Variants in FAM169A observed in about 807,000 individuals in gnomAD.
FAM169A encodes the protein soluble lamin-associated protein of 75 kDa.
FAM169A carries 24 observed loss-of-function variants against 75.7 expected under a neutral mutation model. The observed-to-expected ratio is 0.32, with a 90% CI of 0.23 to 0.45. The LOEUF (loss-of-function observed/expected upper bound fraction) is 0.45, where lower values mean the gene tolerates loss of function less well. FAM169A is among the 20% of genes least tolerant of loss of function. The pLI, the probability that FAM169A is intolerant of heterozygous loss-of-function variation, is 1.00. For missense variants in FAM169A, 673 were observed against 784.0 expected (o/e 0.86, Z 1.69); for synonymous variants, 271 against 271.0 (o/e 1.00, Z 0.00).
intron 5 of FAM169A, among the ~76,000 whole-genome samples, chr5:74,829,463 C>T (rs770732020): frequency 5.9e-5 from 9 of 152,044 alleles, no homozygotes; most frequent in African/African-American, 1.9e-4. Context: ...TTGCTAAGCC[C>T]GTGTTTTATG....
intron 11 of FAM169A, among the ~76,000 whole-genome samples, chr5:74,792,015 A>G (rs1163403826): frequency 6.6e-6 from 1 of 152,234 alleles, no homozygotes; most frequent in African/African-American, 2.4e-5. Flanking sequence ...CATGTGACAT[A>G]AGATTTATTG....
intron 9 of FAM169A, 77 bp from the exon 10 acceptor site, chr5:74,801,107 C>A: frequency 1.8e-6 from 2 of 1,142,624 alleles, no homozygotes; most frequent in South Asian, 2.4e-5. Context: ...CACAGAAATG[C>A]AAGAACTACA....
intron 1 of FAM169A, among the ~76,000 whole-genome samples, chr5:74,861,207 TC>T (rs1319128034): frequency 6.6e-6 from 1 of 152,212 alleles, no homozygotes; most frequent in African/African-American, 2.4e-5. Context: ...CATTTAGACT[TC>T]AAGGAACCTT....
Position 74,813,849 on chromosome 5 carries a change from T to G in FAM169A, c.661A>C (p.Met221Leu). ...AACTTAGTCCATTTACCTGTATACA[T>G]GAGAGAAGACAGTGGATACCGCAAG... ...LGLRYPLSSL[M>L]YTACKQYFEK... The change falls in exon 6 of 13, where the codon ATG becomes CTG. Residue 221 changes from methionine to leucine, a missense_variant. By Grantham distance (15) the Met-to-Leu change is conservative. Around this residue, in one of 3 missense-constraint regions of FAM169A, gnomAD observed 510 missense variants for 550.9 expected, o/e 0.93. Transcript: ENST00000687041. The G allele has an allele frequency of 6.4e-7, 1 of 1,573,946 alleles. No homozygotes were observed. The highest frequency in any genetic ancestry group is 8.6e-7 in the Non-Finnish European group (1 of 1,167,848).
intron 1 of FAM169A, chr5:74,865,526 G>A (rs1008227825): frequency 6.6e-6 from 1 of 152,214 alleles, no homozygotes; most frequent in Non-Finnish European, 1.5e-5. Flanking sequence ...AAACCACCCA[G>A]GGTTCAAGGC....
intron 5 of FAM169A, among the ~76,000 whole-genome samples, chr5:74,832,279 A>T (rs928536555): frequency 1.3e-5 from 2 of 151,998 alleles, no homozygotes; most frequent in Non-Finnish European, 2.9e-5. Flanking sequence ...TTATAAGAAA[A>T]CTATCTACCT....
Position 74,814,015 on chromosome 5 carries a change from G to A in FAM169A, c.495C>T (p.Ser165=), listed in dbSNP as rs76561443. 0.025 allele frequency: 38,389 copies of A among 1,550,120 alleles called. 729 individuals carry two copies. Among genetic ancestry groups the A allele is most frequent in the African/African-American group, 0.099 (7,166 of 72,144 alleles). Residue 165 remains serine (S), a synonymous_variant, in exon 6 of 13, where the codon AGC becomes AGT. Coordinates refer to ENST00000687041, the MANE Select transcript of FAM169A (RefSeq NM_001376049.1). The stretch of plus-strand genomic sequence containing the variant: ...TTTGGGTAAGAAAAGAGGCACATAT[G>A]CTTCCTGCAGTAATAAGAACAGAAA... ...IGFYSVKPTG[S]ICASFLTQSY...
At chr5:74,863,305 T>C (rs550903298) in intron 1 of FAM169A, among the ~76,000 whole-genome samples, 4 of 152,356 alleles carry the variant, frequency 2.6e-5, no homozygotes, top group South Asian at 2.1e-4. Flanking sequence ...TTGTGAAATA[T>C]TCCTACCACC....
chr5:74,793,911 G>A (rs1186250265), intron 11 of FAM169A, among the ~76,000 whole-genome samples: 1 of 149,760 alleles, frequency 6.7e-6, no homozygotes, highest in Non-Finnish European at 1.5e-5. Context: ...GCTGAGGCAG[G>A]AGAATGGCAT....
At chr5:74,830,964 ATCTTC>A (rs755237401) in intron 5 of FAM169A, among the ~76,000 whole-genome samples, 7 of 152,148 alleles carry the variant, frequency 4.6e-5, no homozygotes, top group African/African-American at 7.2e-5. Flanking sequence ...CTCTTATTGA[ATCTTC>A]TCTTCTCAAG....
intron 1 of FAM169A, among the ~76,000 whole-genome samples, chr5:74,860,221 G>A (rs1749963036): frequency 3.3e-5 from 5 of 152,160 alleles, no homozygotes; most frequent in Admixed American, 2.6e-4. Context: ...GTTGATGGAA[G>A]TATCAGAATA....
intron 5 of FAM169A, among the ~76,000 whole-genome samples, chr5:74,830,679 TA>T (rs1162212060): frequency 2.6e-5 from 4 of 152,272 alleles, no homozygotes; most frequent in Admixed American, 2.6e-4. Context: ...ATCACATATC[TA>T]TTTTTTTTTA....
At chr5:74,837,653 T>C (rs1748637784) in intron 4 of FAM169A, among the ~76,000 whole-genome samples, 1 of 152,082 alleles carries the variant, frequency 6.6e-6, no homozygotes, top group Non-Finnish European at 1.5e-5. Flanking sequence ...AGTAACAGGA[T>C]CAAAATTTCT....
chr5:74,847,254 C>T (rs1359537524), intron 1 of FAM169A, among the ~76,000 whole-genome samples: 2 of 152,070 alleles, frequency 1.3e-5, no homozygotes, highest in African/African-American at 2.4e-5. Context: ...TTCATCACCC[C>T]AAACATGGTC....
At chr5:74,789,050 C>T (rs1031837036) in intron 11 of FAM169A, among the ~76,000 whole-genome samples, 10 of 152,210 alleles carry the variant, frequency 6.6e-5, no homozygotes, top group Non-Finnish European at 1.0e-4. Context: ...AAGCAATTTG[C>T]GTTCGGCTGG....
intron 12 of FAM169A, 77 bp downstream of exon 12, chr5:74,782,854 T>A (rs1248499745): frequency 9.9e-7 from 1 of 1,009,212 alleles, no homozygotes; most frequent in Non-Finnish European, 1.5e-6. Context: ...GAAGCAAATA[T>A]ATATACCATG....
intron 5 of FAM169A, among the ~76,000 whole-genome samples, chr5:74,819,911 G>A (rs6885078): frequency 2.0e-5 from 3 of 152,020 alleles, no homozygotes; most frequent in South Asian, 2.1e-4. Context: ...TTTCTTTAGC[G>A]GAGGGATGAA....
At chr5:74,788,702 T>C (rs939429115) in intron 11 of FAM169A, among the ~76,000 whole-genome samples, 2 of 145,782 alleles carry the variant, frequency 1.4e-5, no homozygotes, top group South Asian at 2.2e-4. Context: ...CGAAACTCCA[T>C]CTCAAAAAAA....
At position 74,782,841 on chromosome 5, in the gene FAM169A, G is replaced by A. The variant is rs1363267138; in HGVS notation, c.1464+90C>T. 8.4e-6 allele frequency: 7 copies of A among 834,540 alleles called. No homozygotes were observed. The African/African-American group carries it at 8.5e-5, about 10-fold the overall frequency. 51.7% of individuals were successfully genotyped at this position (834,540 alleles called of 1,614,324 possible). ...TTCCTAAAGCACTGTACATGTAAAG[G>A]TGGAAGCAAATATATATACCATGCA... On this transcript the variant is annotated intron_variant, in intron 12 of 12. Transcript: ENST00000687041.
Sources: allele counts gnomAD v4.1 joint callset (sites outside exome capture counted in the v4.1 genomes callset), GRCh38; gene constraint gnomAD v4.1.1; regional missense constraint gnomAD v4.1.1; transcripts MANE v1.5; gene names NCBI Gene and HGNC (gene_info 2026-07-23, HGNC 2026-07-21).